Variants in RBFOX1 observed in about 807,000 individuals in gnomAD.
RBFOX1 encodes RNA binding protein fox-1 homolog 1.
In RBFOX1, 8 loss-of-function variants were observed where a neutral mutation model predicts 57.7. The ratio of observed to expected loss-of-function variants is 0.14; its 90% CI spans 0.08 to 0.25. RBFOX1 has a LOEUF of 0.25. Ranked by LOEUF, RBFOX1 falls within the 10% of genes least tolerant of loss-of-function variation. The pLI, the probability that RBFOX1 is intolerant of heterozygous loss-of-function variation, is 1.00. For synonymous variants in RBFOX1, 326 were observed against 222.4 expected, an observed-to-expected ratio of 1.47 and a Z score of -4.15; for missense variants, 611 against 548.5, an observed-to-expected ratio of 1.11 and a Z score of -1.14.
At chr16:5,807,732 C>A (rs2055279825) in intron 3 of RBFOX1, among the ~76,000 whole-genome samples, 1 of 152,252 alleles carries the variant, frequency 6.6e-6, no homozygotes, top group South Asian at 2.1e-4. Context: ...CAAACTTTAA[C>A]AGACTCAAGA....
chr16:7,542,496 T>TAGAA (rs1195733697), intron 5 of RBFOX1, among the ~76,000 whole-genome samples: 1 of 149,082 alleles, frequency 6.7e-6, no homozygotes, highest in South Asian at 2.1e-4. Flanking sequence ...AACAGAGAGA[T>TAGAA]AGAAAGAAAG....
intron 1 of RBFOX1, among the ~76,000 whole-genome samples, chr16:6,045,237 C>T (rs2152424284): frequency 6.6e-6 from 1 of 152,334 alleles, no homozygotes; most frequent in Admixed American, 6.5e-5. Context: ...GCTACTGCTG[C>T]TGACCTGTGG....
chr16:7,245,618 G>T (rs556121765), intron 4 of RBFOX1, among the ~76,000 whole-genome samples: 2 of 152,186 alleles, frequency 1.3e-5, no homozygotes, highest in African/African-American at 4.8e-5. Flanking sequence ...AACTTTTGGA[G>T]AGCTAGAGAA....
chr16:6,855,834 C>CTCCCCTCCCTCT (rs2057764817), intron 3 of RBFOX1, among the ~76,000 whole-genome samples: 1 of 30,154 alleles, frequency 3.3e-5, no homozygotes, highest in Non-Finnish European at 6.7e-5. Context: ...TCCCTCCCTC[C>CTCCCCTCCCTCT]TTCCCTCCCT....
intron 3 of RBFOX1, among the ~76,000 whole-genome samples, chr16:7,017,076 A>G (rs2093953346): frequency 1.3e-5 from 2 of 151,966 alleles, no homozygotes; most frequent in South Asian, 4.2e-4. Context: ...TGTTGCTGTG[A>G]GCAGAACTCA....
intron 2 of RBFOX1, among the ~76,000 whole-genome samples, chr16:6,614,170 TATC>T (rs1433937975): frequency 1.3e-5 from 2 of 152,188 alleles, no homozygotes; most frequent in African/African-American, 2.4e-5. Flanking sequence ...CTACAGATCA[TATC>T]ATTCAGATCT....
At chr16:6,899,190 T>A (rs1273815255) in intron 3 of RBFOX1, among the ~76,000 whole-genome samples, 1 of 150,232 alleles carries the variant, frequency 6.7e-6, no homozygotes, top group Non-Finnish European at 1.5e-5. Flanking sequence ...AATATGTGTG[T>A]GAGTGCATAT....
chr16:5,278,046 G>T (rs1165208436), intron 1 of RBFOX1, among the ~76,000 whole-genome samples: 1 of 152,092 alleles, frequency 6.6e-6, no homozygotes, highest in East Asian at 1.9e-4. Flanking sequence ...GGATCATATG[G>T]TAGATCTGTT....
intron 2 of RBFOX1, among the ~76,000 whole-genome samples, chr16:6,617,373 A>G (rs2098158645): frequency 6.6e-6 from 1 of 152,102 alleles, no homozygotes; most frequent in Non-Finnish European, 1.5e-5. Flanking sequence ...TTGTGTATCT[A>G]AAGGCATGGA....
chr16:7,402,246 G>C (rs917306379), intron 4 of RBFOX1, among the ~76,000 whole-genome samples: 2 of 152,142 alleles, frequency 1.3e-5, no homozygotes, highest in Non-Finnish European at 2.9e-5. Flanking sequence ...GTAAGGGAGG[G>C]TCAACTAAGT....
intron 1 of RBFOX1, among the ~76,000 whole-genome samples, chr16:6,305,380 T>A (rs2079373101): frequency 6.6e-6 from 1 of 152,202 alleles, no homozygotes; most frequent in Admixed American, 6.5e-5. Context: ...TCAGAGTGCA[T>A]GACACAGAGT....
intron 2 of RBFOX1, among the ~76,000 whole-genome samples, chr16:6,596,977 G>T (rs2097782294): frequency 6.6e-6 from 1 of 152,254 alleles, no homozygotes; most frequent in South Asian, 2.1e-4. Flanking sequence ...CTTTCTGAAT[G>T]AATGAGCTCT....
At chr16:7,051,729 TG>T (rs933830978) in intron 3 of RBFOX1, among the ~76,000 whole-genome samples, 5 of 152,078 alleles carry the variant, frequency 3.3e-5, no homozygotes, top group African/African-American at 1.2e-4. Flanking sequence ...TAGGGCAAGC[TG>T]GGGTTTTCAG....
intron 2 of RBFOX1, among the ~76,000 whole-genome samples, chr16:6,361,395 C>T (rs544968799): frequency 1.3e-3 from 199 of 152,042 alleles, no homozygotes; most frequent in African/African-American, 4.5e-3. Context: ...TTTGGGAGGC[C>T]GAGGCGGGTG....
rs1010949195 is a variant in RBFOX1, at chr16:7,712,164, C to T, written c.*1419C>T. Reference sequence around the variant, plus strand: ...CTTCTGTTTGAACTTTCCACGTTGTCCTGTTTACAAGTTAACTTAAGTTGG... The same window carrying T: ...CTTCTGTTTGAACTTTCCACGTTGTTCTGTTTACAAGTTAACTTAAGTTGG... On this transcript the variant is annotated 3_prime_UTR_variant, in exon 16 of 16. Transcript: ENST00000550418. The T allele has an allele frequency of 2.0e-5, 3 of 152,600 alleles. No individual in the cohort carries two copies. Among genetic ancestry groups the T allele is most frequent in the African/African-American group, 7.2e-5 (3 of 41,432 alleles). The allele number at this position is 152,600 out of a possible 1,614,324, so 9.5% of individuals were successfully genotyped here.
intron 4 of RBFOX1, among the ~76,000 whole-genome samples, chr16:6,006,593 T>C (rs958820626): frequency 3.3e-5 from 5 of 152,200 alleles, no homozygotes; most frequent in Non-Finnish European, 7.3e-5. Flanking sequence ...CCAGTTTTCC[T>C]TATAATTATT....
At chr16:7,095,246 C>A in intron 4 of RBFOX1, among the ~76,000 whole-genome samples, 1 of 152,170 alleles carries the variant, frequency 6.6e-6, no homozygotes. Flanking sequence ...AAACGATTCT[C>A]CTGCCTCAGC....
Position 7,413,852 on chromosome 16 carries a change from T to A in RBFOX1, c.28-104295T>A, listed in dbSNP as rs9921978. ...TTGGTTTCTACCCTATAAATTGAGG[T>A]TGATGAGACTCATCACTTTGGCTTT... On this transcript the variant is annotated intron_variant, in intron 4 of 15. Transcript: ENST00000550418. Among the ~76,000 whole-genome samples, 838 of 152,228 alleles carry A rather than the reference T, an allele frequency of 5.5e-3. 10 individuals carry two copies. The highest frequency in any genetic ancestry group is 0.019 in the African/African-American group (774 of 41,522).
At chr16:5,989,869 CACACACACACA>C (rs1567227275) in intron 4 of RBFOX1, among the ~76,000 whole-genome samples, 2 of 116,378 alleles carry the variant, frequency 1.7e-5, no homozygotes, top group Non-Finnish European at 3.6e-5. Flanking sequence ...CACACACACA[CACACACACACA>C]CCACCCCTGT....
Sources: allele counts gnomAD v4.1 joint callset (sites outside exome capture counted in the v4.1 genomes callset), GRCh38; gene constraint gnomAD v4.1.1; transcripts MANE v1.5; gene names NCBI Gene and HGNC (gene_info 2026-07-23, HGNC 2026-07-21).